The following PTPN4 variants were observed in gnomAD, a reference collection of about 807,000 sequenced individuals.
PTPN4 encodes tyrosine-protein phosphatase non-receptor type 4.
Under a neutral mutation model 135.5 loss-of-function variants are expected in PTPN4, and 49 were observed. That is an observed-to-expected ratio of 0.36 (90% CI 0.29 to 0.46). The LOEUF (loss-of-function observed/expected upper bound fraction) is 0.46. Ranked by LOEUF, PTPN4 falls within the 20% of genes least tolerant of loss-of-function variation. The pLI, the probability that PTPN4 is intolerant of heterozygous loss-of-function variation, is 1.00. For missense variants in PTPN4, 860 were observed against 1,101.0 expected (o/e 0.78, Z 3.10); for synonymous variants, 333 against 369.9 (o/e 0.90, Z 1.14).
At chr2:119,765,933 T>TGTGTGTGTGTGTGC (rs1553430617) in intron 1 of PTPN4, among the ~76,000 whole-genome samples, 1 of 151,036 alleles carries the variant, frequency 6.6e-6, no homozygotes, top group African/African-American at 2.4e-5. Context: ...TGTGTGTGTG[T>TGTGTGTGTGTGTGC]GCGCGCGCGC....
At chr2:119,920,270 A>G in intron 12 of PTPN4, 29 bp downstream of exon 12, 1 of 1,548,832 alleles carries the variant, frequency 6.5e-7, no homozygotes, top group Non-Finnish European at 8.8e-7. Flanking sequence ...TTAAGGCTTT[A>G]TTGTTGGATT....
intron 2 of PTPN4, among the ~76,000 whole-genome samples, chr2:119,844,929 C>G (rs1158367981): frequency 6.6e-6 from 1 of 151,182 alleles, no homozygotes; most frequent in Non-Finnish European, 1.5e-5. Context: ...TGTAGTGAGC[C>G]GAGATCACGC....
At chr2:119,941,283 A>T (rs1679058513) in intron 15 of PTPN4, among the ~76,000 whole-genome samples, 1 of 152,208 alleles carries the variant, frequency 6.6e-6, no homozygotes, top group Non-Finnish European at 1.5e-5. Context: ...GAAGAAAGTT[A>T]TTCATTAAAG....
At chr2:119,802,511 A>G (rs1691395576) in intron 1 of PTPN4, among the ~76,000 whole-genome samples, 1 of 152,204 alleles carries the variant, frequency 6.6e-6, no homozygotes, top group South Asian at 2.1e-4. Flanking sequence ...AAGGTGGATT[A>G]TATTGATTGA....
intron 2 of PTPN4, among the ~76,000 whole-genome samples, chr2:119,826,130 C>A (rs574325840): frequency 6.6e-6 from 1 of 152,054 alleles, no homozygotes; most frequent in Non-Finnish European, 1.5e-5. Context: ...TATTCTCTGG[C>A]CTTACAGAGA....
intron 15 of PTPN4, among the ~76,000 whole-genome samples, chr2:119,936,103 C>T (rs865966956): frequency 2.0e-5 from 3 of 151,932 alleles, no homozygotes; most frequent in Non-Finnish European, 4.4e-5. Flanking sequence ...CCCGGGTTCA[C>T]GCCATTCTCC....
chr2:119,791,784 A>G (rs888018330), intron 1 of PTPN4, among the ~76,000 whole-genome samples: 3 of 152,130 alleles, frequency 2.0e-5, no homozygotes, highest in African/African-American at 7.2e-5. Flanking sequence ...GTTTATCCTA[A>G]TTGGAGGTCA....
chr2:119,943,073 A>G (rs577206037), intron 15 of PTPN4, among the ~76,000 whole-genome samples: 1 of 152,320 alleles, frequency 6.6e-6, no homozygotes, highest in South Asian at 2.1e-4. Flanking sequence ...CTAAGTGGGC[A>G]TTGCTGTTCA....
At chr2:119,896,159 C>G (rs1678320637) in intron 9 of PTPN4, among the ~76,000 whole-genome samples, 1 of 152,126 alleles carries the variant, frequency 6.6e-6, no homozygotes, top group African/African-American at 2.4e-5. Flanking sequence ...TAGAATGTTG[C>G]CAGTTACTCC....
In PTPN4 at chr2:119,955,125, G is replaced by A. The variant is rs144762229; in HGVS notation, c.1814-32G>A. 8.1e-3 allele frequency: 12,542 copies of A among 1,552,586 alleles called. 88 individuals carry two copies. Among genetic ancestry groups the A allele is most frequent in the Non-Finnish European group, 0.01 (11,830 of 1,151,000 alleles). ...CGTGTGAATTCATTAAGATTTCCAC[G>A]TTTTGGGGTTTGTTTGATTTTTTTT... On this transcript the variant is annotated intron_variant, in intron 19 of 26. Transcript: ENST00000263708.
intron 2 of PTPN4, among the ~76,000 whole-genome samples, chr2:119,820,263 G>A (rs904863453): frequency 2.0e-5 from 3 of 152,182 alleles, no homozygotes; most frequent in African/African-American, 7.2e-5. Context: ...TGTCTCTCCT[G>A]AAGCTCATTT....
intron 15 of PTPN4, among the ~76,000 whole-genome samples, chr2:119,935,256 C>G (rs1678965330): frequency 6.6e-6 from 1 of 152,072 alleles, no homozygotes. Flanking sequence ...GTAGTTAAAG[C>G]AGAGTTTCCT....
intron 24 of PTPN4, among the ~76,000 whole-genome samples, chr2:119,964,528 T>C (rs1177497499): frequency 1.3e-5 from 2 of 152,210 alleles, no homozygotes; most frequent in Non-Finnish European, 2.9e-5. Context: ...AGGTCAGCTT[T>C]GTTCACAAAA....
chr2:119,765,227 C>T (rs2104915992), intron 1 of PTPN4, among the ~76,000 whole-genome samples: 1 of 152,318 alleles, frequency 6.6e-6, no homozygotes, highest in East Asian at 1.9e-4. Flanking sequence ...CTATTCCCAT[C>T]TTCATGAATA....
At chr2:119,955,690 C>T (rs1214528675) in intron 20 of PTPN4, among the ~76,000 whole-genome samples, 2 of 152,122 alleles carry the variant, frequency 1.3e-5, no homozygotes, top group African/African-American at 2.4e-5. Context: ...GTAATCCCAG[C>T]ACTTTGGGAG....
At chr2:119,813,272 A>G (rs1338504395) in intron 2 of PTPN4, among the ~76,000 whole-genome samples, 1 of 144,842 alleles carries the variant, frequency 6.9e-6, no homozygotes, top group Non-Finnish European at 1.5e-5. Context: ...TTTGAGACGG[A>G]GTTTCGCTGT....
intron 5 of PTPN4, among the ~76,000 whole-genome samples, chr2:119,880,518 C>A (rs1678055257): frequency 6.6e-6 from 1 of 151,956 alleles, no homozygotes; most frequent in African/African-American, 2.4e-5. Flanking sequence ...CAAGCTCTGC[C>A]TCCCAGGTTC....
intron 2 of PTPN4, 88 bp from the exon 3 acceptor site, chr2:119,862,448 G>C (rs753268598): frequency 2.4e-5 from 29 of 1,232,302 alleles, no homozygotes; most frequent in Non-Finnish European, 3.1e-5. Flanking sequence ...TGGGTTAATA[G>C]ATGAGGACAA....
chr2:119,832,742 C>CT (rs565968570), intron 2 of PTPN4, among the ~76,000 whole-genome samples: 22 of 150,568 alleles, frequency 1.5e-4, no homozygotes, highest in South Asian at 4.2e-4. Context: ...ATTCTTGTAC[C>CT]TTTTTTTTTA....
Sources: gnomAD v4.1 joint callset for allele counts (sites outside exome capture counted in the v4.1 genomes callset) on GRCh38, gnomAD v4.1.1 for gene constraint, MANE v1.5 for transcripts, NCBI Gene and HGNC (gene_info 2026-07-23, HGNC 2026-07-21) for gene names.